ARVCF: variants seen among roughly 807,000 people sequenced by gnomAD.
The protein encoded by ARVCF is ARVCF delta catenin family member, also known as splicing regulator ARVCF.
In ARVCF, 66 loss-of-function variants were observed where a neutral mutation model predicts 90.9. The observed-to-expected ratio is 0.73, with a 90% confidence interval of 0.60 to 0.89. The LOEUF (loss-of-function observed/expected upper bound fraction) is 0.89, where lower values mean the gene tolerates loss of function less well. Among genes scored for constraint, ARVCF ranks in the 40% least tolerant of loss-of-function variants. ARVCF has a pLI of 0.00. For missense variants in ARVCF, 1,469 were observed against 1,382.3 expected (o/e 1.06, Z -1.00); for synonymous variants, 653 against 603.4 (o/e 1.08, Z -1.21).
chr22:20,012,420 G>A (rs1008549996), intron 1 of ARVCF, among the ~76,000 whole-genome samples: 3 of 152,250 alleles, frequency 2.0e-5, no homozygotes, highest in Admixed American at 6.5e-5. Context: ...GCAGTGGACG[G>A]ACAGAGGGAC....
chr22:19,999,112 G>C (rs2146432012), intron 2 of ARVCF, among the ~76,000 whole-genome samples: 1 of 152,300 alleles, frequency 6.6e-6, no homozygotes, highest in Non-Finnish European at 1.5e-5. Context: ...GGGAGGCAGA[G>C]GAGGCCAGGC....
rs373944893 is a variant in ARVCF, at chr22:19,974,093, G to C, written c.2088+19C>G. On this transcript the variant is annotated intron_variant, in intron 12 of 19. Transcript: ENST00000263207. ...CCCTCTCTCAGGACTTGCCCACCCTGCCCGACCTGGTCCCTCACCATCCAG... is the reference window on the plus strand; with the variant it reads ...CCCTCTCTCAGGACTTGCCCACCCTCCCCGACCTGGTCCCTCACCATCCAG... The C allele has an allele frequency of 1.3e-6, 2 of 1,597,104 alleles. No homozygotes were observed. The highest frequency in any genetic ancestry group is 1.7e-6 in the Non-Finnish European group (2 of 1,171,552).
chr22:19,988,090 G>T (rs907962631), intron 3 of ARVCF, among the ~76,000 whole-genome samples: 2 of 152,112 alleles, frequency 1.3e-5, no homozygotes, highest in African/African-American at 4.8e-5. Context: ...AAAGGGCTCG[G>T]GCCCAGGCCT....
chr22:19,966,308 G>A (rs901831652), downstream of ARVCF, among the ~76,000 whole-genome samples: 2 of 152,106 alleles, frequency 1.3e-5, no homozygotes, highest in African/African-American at 4.8e-5. Flanking sequence ...TCGGAGGCAC[G>A]AGGGGTGAGG....
rs781607527 is a variant in ARVCF, at chr22:19,972,393, C to A, written c.2660G>T (p.Ser887Ile). 8 of 1,613,658 alleles carry A rather than the reference C, an allele frequency of 5.0e-6. No individual in the cohort carries two copies. Among genetic ancestry groups the A allele is most frequent in the Non-Finnish European group, 6.8e-6 (8 of 1,179,992 alleles). The change falls in exon 17 of 20, where the codon AGC (serine) becomes ATC (isoleucine). Residue 887 changes from serine (S) to isoleucine (I), a missense_variant. Coordinates refer to ENST00000263207, the MANE Select transcript of ARVCF (RefSeq NM_001670.3). ...CGCATCCATGGGGATCACATCCCGG[C>A]TGCCAGTTTTCTCGCCCTCTGCAAG... ...DKSLEGEKTG[S>I]RDVIPMDALG...
chr22:19,971,739 G>A (rs1251736038), intron 18 of ARVCF, 147 bp downstream of exon 18: 20 of 806,092 alleles, frequency 2.5e-5, no homozygotes, highest in East Asian at 2.1e-4. Context: ...ACTGACTGGC[G>A]TGAAGGGGCT....
intron 12 of ARVCF, 138 bp downstream of exon 12, chr22:19,973,974 A>G: frequency 6.7e-7 from 1 of 1,486,852 alleles, no homozygotes; most frequent in Non-Finnish European, 9.0e-7. Context: ...CATTGCCCGC[A>G]GCCCATACAC....
intron 1 of ARVCF, among the ~76,000 whole-genome samples, chr22:20,013,400 G>A (rs1450717869): frequency 6.6e-6 from 1 of 152,010 alleles, no homozygotes; most frequent in Admixed American, 6.5e-5. Flanking sequence ...TGGCCTTCAG[G>A]CTTCCTTCTG....
intron 2 of ARVCF, among the ~76,000 whole-genome samples, chr22:19,996,390 G>A (rs1354374855): frequency 6.6e-6 from 1 of 152,098 alleles, no homozygotes; most frequent in Non-Finnish European, 1.5e-5. Flanking sequence ...CACATGCAGT[G>A]AGCGTTTTGA....
At chr22:19,993,596 C>T (rs1944112070) in intron 2 of ARVCF, among the ~76,000 whole-genome samples, 1 of 152,216 alleles carries the variant, frequency 6.6e-6, no homozygotes. Flanking sequence ...ATTGCCTTGT[C>T]GGGTGGACCC....
At position 19,979,819 on chromosome 22, in the gene ARVCF, C is replaced by A; in HGVS notation, c.1320G>T (p.Arg440=). 6.2e-7 allele frequency: 1 copy of A among 1,609,658 alleles called. No individual in the cohort carries two copies. Among genetic ancestry groups the A allele is most frequent in the Non-Finnish European group, 8.5e-7 (1 of 1,178,852 alleles). Residue 440 remains arginine, a synonymous_variant, in exon 6 of 20, where the codon CGG becomes CGT. Coordinates refer to ENST00000263207, the MANE Select transcript of ARVCF (RefSeq NM_001670.3). ...GRDTDNKAAI[R]DCGGVPALVR... is the part of the protein sequence containing the mutation. ...CCAGGGCAGGCACACCACCGCAGTC[C>A]CGGATGGCGGCCTTGTTGTCAGTGT...
chr22:19,967,912 T>C (rs1273909754), downstream of ARVCF, among the ~76,000 whole-genome samples: 6 of 152,262 alleles, frequency 3.9e-5, no homozygotes, highest in African/African-American at 9.6e-5. Context: ...CCATGCCCTA[T>C]GGCTGCGTGT....
intron 18 of ARVCF, among the ~76,000 whole-genome samples, chr22:19,971,634 A>G (rs1357544859): frequency 6.6e-6 from 1 of 152,178 alleles, no homozygotes. Context: ...AGAAGGGTGC[A>G]CACACACTAG....
intron 2 of ARVCF, among the ~76,000 whole-genome samples, chr22:19,992,716 T>C (rs1392115555): frequency 6.6e-6 from 1 of 152,190 alleles, no homozygotes; most frequent in African/African-American, 2.4e-5. Context: ...ACTGGCCTCA[T>C]GGACCTGGGG....
intron 3 of ARVCF, chr22:19,987,153 C>G (rs920488956): frequency 1.7e-5 from 8 of 457,648 alleles, no homozygotes; most frequent in Non-Finnish European, 2.3e-5. Flanking sequence ...GGACCAGGCT[C>G]GGCTCCGGCG....
rs778746471 is a variant in ARVCF at position 19,978,938 on chromosome 22, G to C, written c.1539C>G (p.Ala513=). 6.2e-7 allele frequency: 1 copy of C among 1,613,090 alleles called. No homozygotes were observed. Among genetic ancestry groups the C allele is most frequent in the Non-Finnish European group, 8.5e-7 (1 of 1,179,804 alleles). Residue 513 remains alanine, a synonymous_variant, in exon 7 of 20, where the codon GCC becomes GCG. Transcript: ENST00000263207. ...EPNEDSKPRD[A]EWTTVFKNTS... ...TGTTCTTGAAGACAGTTGTCCACTCGGCGTCCCGTGGCTTGGAGTCCTCGT... is the reference window on the plus strand; with the variant it reads ...TGTTCTTGAAGACAGTTGTCCACTCCGCGTCCCGTGGCTTGGAGTCCTCGT...
At chr22:20,014,356 G>A (rs539251486) in intron 1 of ARVCF, among the ~76,000 whole-genome samples, 6 of 147,384 alleles carry the variant, frequency 4.1e-5, no homozygotes, top group African/African-American at 7.5e-5. Context: ...CACCATGCCC[G>A]ACTAATTTTT....
intron 3 of ARVCF, among the ~76,000 whole-genome samples, chr22:19,986,399 C>T (rs1943766543): frequency 6.6e-6 from 1 of 152,188 alleles, no homozygotes; most frequent in Non-Finnish European, 1.5e-5. Context: ...CTGCTCTGAG[C>T]AGAGGACAAA....
At chr22:19,981,154 G>A in intron 5 of ARVCF, 57 bp downstream of exon 5, 1 of 1,461,280 alleles carries the variant, frequency 6.8e-7, no homozygotes, top group Non-Finnish European at 9.1e-7. Context: ...CTGTAGTTGG[G>A]GGGTGGAGGG....
Sources: allele counts gnomAD v4.1 joint callset (sites outside exome capture counted in the v4.1 genomes callset), GRCh38; gene constraint gnomAD v4.1.1; transcripts MANE v1.5; gene names NCBI Gene and HGNC (gene_info 2026-07-23, HGNC 2026-07-21).